The following PODXL2 variants were observed in gnomAD, a reference collection of about 807,000 sequenced individuals.
PODXL2 encodes the protein podocalyxin like 2.
A neutral mutation model predicts 53.4 loss-of-function variants in PODXL2; 17 were observed. The ratio of observed to expected loss-of-function variants is 0.32; its 90% CI spans 0.22 to 0.48. The LOEUF is 0.48. Ranked by LOEUF, PODXL2 falls within the 20% of genes least tolerant of loss-of-function variation. The pLI, the probability that PODXL2 is intolerant of heterozygous loss-of-function variation, is 0.99. For missense variants in PODXL2, 673 were observed against 760.0 expected (o/e 0.89, Z 1.35); for synonymous variants, 311 against 306.7 (o/e 1.01, Z -0.15).
rs2074526405 is a variant in PODXL2, at chr3:127,629,360, G to A, written c.70+71G>A. 8.0e-6 allele frequency: 8 copies of A among 998,432 alleles called. No individual in the cohort carries two copies. The highest frequency in any genetic ancestry group is 9.5e-6 in the Non-Finnish European group (8 of 838,750). The allele number at this position is 998,432 out of a possible 1,614,324, so 61.8% of individuals were successfully genotyped here. On this transcript the variant is annotated intron_variant, in intron 1 of 7. Transcript: ENST00000342480. The surrounding 1 kb of genome is among the most constrained non-coding windows in gnomAD (Gnocchi z 6.4). The stretch of plus-strand genomic sequence containing the variant: ...GGGCGCGGTGCTGGACAGCTCCCCG[G>A]GCCGCCAACAAAGGGGCCAGAGTGC...
chr3:127,646,089 A>G (rs1422416733), intron 2 of PODXL2, among the ~76,000 whole-genome samples: 3 of 152,214 alleles, frequency 2.0e-5, no homozygotes, highest in African/African-American at 4.8e-5. Flanking sequence ...ACATCAATCA[A>G]TGTATTCAAC....
intron 1 of PODXL2, among the ~76,000 whole-genome samples, chr3:127,636,320 C>T (rs1372329271): frequency 1.3e-5 from 2 of 152,116 alleles, no homozygotes; most frequent in Admixed American, 6.5e-5. Context: ...CTATAATATT[C>T]GGGCTAGGAA....
chr3:127,661,347 A>G (rs2074766575), intron 3 of PODXL2, among the ~76,000 whole-genome samples, 188 bp downstream of exon 3: 1 of 151,970 alleles, frequency 6.6e-6, no homozygotes, highest in South Asian at 2.1e-4. Context: ...TTCTCCCCAC[A>G]CTTCTGTGCA....
rs901185581 is a variant in PODXL2, at chr3:127,629,333, G to C, written c.70+44G>C. 9.9e-6 allele frequency: 10 copies of C among 1,010,326 alleles called. No homozygotes were observed. The African/African-American group carries it at 1.7e-4, about 18-fold the overall frequency. 62.6% of individuals were successfully genotyped at this position (1,010,326 alleles called of 1,614,324 possible). A position where few individuals can be genotyped will look rare whatever the true frequency, so the allele number is the denominator to read the frequency against. Reference sequence around the variant, plus strand: ...CGAGCGCGGGAGGGCGGGCGGCGGCGTGGGCGCGGTGCTGGACAGCTCCCC... The same window carrying C: ...CGAGCGCGGGAGGGCGGGCGGCGGCCTGGGCGCGGTGCTGGACAGCTCCCC... On this transcript the variant is annotated intron_variant, in intron 1 of 7. Transcript: ENST00000342480. The surrounding 1 kb of genome is among the most constrained non-coding windows in gnomAD (Gnocchi z 6.4).
At position 127,658,364 on chromosome 3, in the gene PODXL2, T is replaced by C. The variant is rs558322921; in HGVS notation, c.350-2014T>C. Among the ~76,000 whole-genome samples, 9 of 152,010 alleles carry C rather than the reference T, an allele frequency of 5.9e-5. No individual in the cohort carries two copies. The South Asian group carries it at 1.0e-3, about 18-fold the overall frequency. ...ACTGCACAGTTTCCATCCTGAGATA[T>C]ATTTTCATTGCATTCCTCTCATGTT... On this transcript the variant is annotated intron_variant, in intron 2 of 7. Transcript: ENST00000342480.
At chr3:127,661,657 G>A (rs758688241) in intron 3 of PODXL2, among the ~76,000 whole-genome samples, 18 of 152,070 alleles carry the variant, frequency 1.2e-4, no homozygotes, top group Non-Finnish European at 2.1e-4. Context: ...GGCTGGTCGG[G>A]AACTCCTGAC....
intron 2 of PODXL2, among the ~76,000 whole-genome samples, chr3:127,648,667 G>A (rs1478644537): frequency 6.6e-6 from 1 of 151,288 alleles, no homozygotes; most frequent in Non-Finnish European, 1.5e-5. Flanking sequence ...CCAGGCTGGA[G>A]TGCAGTGGTG....
rs982980065 is a variant in PODXL2 at position 127,660,305 on chromosome 3, A to G, written c.350-73A>G. On this transcript the variant is annotated intron_variant, in intron 2 of 7. Transcript: ENST00000342480. The stretch of plus-strand genomic sequence containing the variant: ...CAGTGTATTGTGGTTCTTTTATGCC[A>G]TCTGCCCAGTAAATACTGAGTAAAG... The G allele has an allele frequency of 7.7e-6, 12 of 1,555,642 alleles. 1 individual carries two copies. The Admixed American group carries it at 2.0e-4, about 26-fold the overall frequency.
rs761193189 is a variant in PODXL2 at position 127,672,453 on chromosome 3, C to T, written c.1791C>T (p.Asp597=). 2.0e-6 allele frequency: 3 copies of T among 1,534,028 alleles called. No individual in the cohort carries two copies. Among genetic ancestry groups the T allele is most frequent in the East Asian group, 2.5e-5 (1 of 40,698 alleles). ...MGGKRDPEDS[D]VFEEDTHL ...GCAAGCGGGACCCCGAGGACTCGGA[C>T]GTGTTCGAGGAGGACACGCACCTGT... Residue 597 remains aspartate (D), a synonymous_variant, in exon 8 of 8, where the codon GAC becomes GAT. Coordinates refer to ENST00000342480, the MANE Select transcript of PODXL2 (RefSeq NM_015720.4).
At chr3:127,633,891 A>C (rs2074562476) in intron 1 of PODXL2, among the ~76,000 whole-genome samples, 1 of 151,648 alleles carries the variant, frequency 6.6e-6, no homozygotes, top group Admixed American at 6.6e-5. Context: ...GTGGTGGGAC[A>C]GGACAGAGAT....
chr3:127,637,972 A>G (rs943967806), intron 1 of PODXL2, among the ~76,000 whole-genome samples: 32 of 152,216 alleles, frequency 2.1e-4, no homozygotes, highest in African/African-American at 7.7e-4. Flanking sequence ...ATTGCCATGT[A>G]CTGTAGTCAA....
At chr3:127,663,154 C>T (rs1412690276) in intron 4 of PODXL2, among the ~76,000 whole-genome samples, 4 of 152,110 alleles carry the variant, frequency 2.6e-5, no homozygotes, top group Non-Finnish European at 4.4e-5. Flanking sequence ...TGCAGCACTG[C>T]GGGAAGAACT....
Position 127,639,481 on chromosome 3 carries a change from G to A in PODXL2, c.307G>A (p.Glu103Lys). ...QPPQYFWEEE[E>K]ELNDSSLDLG... ...ACCACAGTACTTCTGGGAAGAGGAG[G>A]AAGAGCTGAATGACTCAAGTCTGGA... is the stretch of plus-strand genomic sequence containing the variant. Residue 103 changes from glutamate (E) to lysine (K), a missense_variant, in exon 2 of 8, where the codon GAA (glutamate) becomes AAA (lysine). Glu to Lys is a moderately conservative substitution (Grantham distance 56). This residue lies in a region of PODXL2 where 588 missense variants were observed against 668.3 expected (regional missense o/e 0.88). Coordinates refer to ENST00000342480, the MANE Select transcript of PODXL2 (RefSeq NM_015720.4). The A allele has an allele frequency of 1.9e-6, 3 of 1,614,210 alleles. No individual in the cohort carries two copies. The highest frequency in any genetic ancestry group is 2.5e-6 in the Non-Finnish European group (3 of 1,180,010).
In PODXL2 at chr3:127,672,766, CAATT is replaced by C. The variant is rs926506200; in HGVS notation, c.*289_*292del. 1 of 379,144 alleles carries C rather than the reference CAATT, an allele frequency of 2.6e-6. No homozygotes were observed. Among genetic ancestry groups the C allele is most frequent in the Non-Finnish European group, 4.6e-6 (1 of 217,808 alleles). 23.5% of individuals were successfully genotyped at this position (379,144 alleles called of 1,614,324 possible). On this transcript the variant is annotated 3_prime_UTR_variant, in exon 8 of 8. Transcript: ENST00000342480. ...GCGGCGCTTCCTGCGCCCCGGGACTCAATTAAACCCGCCCGGAGACCACGCCGGG... is the reference window on the plus strand; with the variant it reads ...GCGGCGCTTCCTGCGCCCCGGGACTCAAACCCGCCCGGAGACCACGCCGGG...
intron 1 of PODXL2, among the ~76,000 whole-genome samples, chr3:127,633,641 A>G (rs538768204): frequency 6.2e-4 from 94 of 152,272 alleles, no homozygotes; most frequent in South Asian, 5.0e-3. Flanking sequence ...TTGTGTCCCC[A>G]TCATGTGTAA....
chr3:127,649,524 A>G (rs1015149265), intron 2 of PODXL2, among the ~76,000 whole-genome samples: 17 of 152,354 alleles, frequency 1.1e-4, no homozygotes, highest in African/African-American at 3.6e-4. Flanking sequence ...CACCCTTCCA[A>G]TACTAGGCAT....
chr3:127,668,550 C>G lies in PODXL2; in HGVS notation c.1316C>G (p.Pro439Arg). Reference protein sequence around the residue: ...HGAWHISLSKPSEKEQHLLMT... With the variant: ...HGAWHISLSKRSEKEQHLLMT... ...GCCTGGCACATCTCTCTGAGCAAGCCCAGCGAGAAGGAGCAGCACCTTCTC... is the reference window on the plus strand; with the variant it reads ...GCCTGGCACATCTCTCTGAGCAAGCGCAGCGAGAAGGAGCAGCACCTTCTC... The change falls in exon 5 of 8, where the codon CCC becomes CGC. Residue 439 changes from proline (P) to arginine (R), a missense_variant. By Grantham distance (103) the Pro-to-Arg change is moderately radical. Coordinates refer to ENST00000342480, the MANE Select transcript of PODXL2 (RefSeq NM_015720.4). 6.3e-7 allele frequency: 1 copy of G among 1,577,266 alleles called. No individual in the cohort carries two copies. Among genetic ancestry groups the G allele is most frequent in the Non-Finnish European group, 8.6e-7 (1 of 1,161,558 alleles).
chr3:127,645,716 C>T (rs557708625), intron 2 of PODXL2, among the ~76,000 whole-genome samples: 1 of 152,376 alleles, frequency 6.6e-6, no homozygotes, highest in East Asian at 1.9e-4. Flanking sequence ...ATGATTAGGA[C>T]ATGACAGAAG....
At chr3:127,664,257 T>G (rs1412786246) in intron 4 of PODXL2, among the ~76,000 whole-genome samples, 1 of 152,184 alleles carries the variant, frequency 6.6e-6, no homozygotes, top group Non-Finnish European at 1.5e-5. Flanking sequence ...CATTTGTCAT[T>G]TTTACATCTG....
Sources: gnomAD v4.1 joint callset for allele counts (sites outside exome capture counted in the v4.1 genomes callset) on GRCh38, gnomAD v4.1.1 for gene constraint, gnomAD v4.1.1 regional missense constraint, Gnocchi (gnomAD v3.1) non-coding constraint, MANE v1.5 for transcripts, NCBI Gene and HGNC (gene_info 2026-07-23, HGNC 2026-07-21) for gene names.